Variants in MYO1H observed in about 807,000 individuals in gnomAD.
The protein encoded by MYO1H is myosin IH.
Under a neutral mutation model 149.3 loss-of-function variants are expected in MYO1H, and 118 were observed. That is an observed-to-expected ratio of 0.79 (90% CI 0.68 to 0.92). The LOEUF (loss-of-function observed/expected upper bound fraction) is 0.92, where lower values mean the gene tolerates loss of function less well. Among genes scored for constraint, MYO1H ranks in the 40% least tolerant of loss-of-function variants. The pLI, the probability that MYO1H is intolerant of heterozygous loss-of-function variation, is 0.00. For synonymous variants in MYO1H, 447 were observed against 465.2 expected, an observed-to-expected ratio of 0.96 and a Z score of 0.50; for missense variants, 1,212 against 1,280.7, an observed-to-expected ratio of 0.95 and a Z score of 0.82.
At chr12:109,444,616 C>T in intron 30 of MYO1H, 87 bp downstream of exon 30, 1 of 1,055,150 alleles carries the variant, frequency 9.5e-7, no homozygotes, top group Non-Finnish European at 1.4e-6. Flanking sequence ...CCTATAATCC[C>T]AGCACTTTGG....
chr12:109,361,388 T>A (rs989371888), intron 1 of MYO1H, among the ~76,000 whole-genome samples: 1 of 152,128 alleles, frequency 6.6e-6, no homozygotes, highest in Non-Finnish European at 1.5e-5. Context: ...CGTTTTTGAG[T>A]CATTTGCTGA....
At chr12:109,426,312 C>T (rs1487793425) in intron 18 of MYO1H, among the ~76,000 whole-genome samples, 2 of 152,088 alleles carry the variant, frequency 1.3e-5, no homozygotes, top group East Asian at 1.9e-4. Context: ...GGCAAAACCC[C>T]GTCTCTACAA....
At chr12:109,337,907 C>T in the MYO1H span, among the ~76,000 whole-genome samples, 4 of 152,046 alleles carry the variant, frequency 2.6e-5, no homozygotes, top group East Asian at 1.9e-4. Context: ...TGTTTGGCAA[C>T]GATTTTCTGA....
intron 1 of MYO1H, among the ~76,000 whole-genome samples, chr12:109,381,100 G>A (rs1005433676): frequency 6.6e-6 from 1 of 152,170 alleles, no homozygotes; most frequent in Non-Finnish European, 1.5e-5. Context: ...CACTCCTAGG[G>A]TATGAACGTG....
chr12:109,389,208 C>T (rs545206951), intron 2 of MYO1H, among the ~76,000 whole-genome samples: 1 of 152,152 alleles, frequency 6.6e-6, no homozygotes, highest in Non-Finnish European at 1.5e-5. Flanking sequence ...GCCCTCAGAT[C>T]CAGGCTGTCA....
chr12:109,382,458 G>A (rs1328284173), intron 1 of MYO1H, among the ~76,000 whole-genome samples: 1 of 152,202 alleles, frequency 6.6e-6, no homozygotes, highest in African/African-American at 2.4e-5. Context: ...AATGCAATGT[G>A]TGGACCTTGT....
chr12:109,432,760 C>T (rs972323684), intron 19 of MYO1H, 137 bp from the exon 20 acceptor site: 10 of 652,410 alleles, frequency 1.5e-5, no homozygotes, highest in Non-Finnish European at 2.5e-5. Flanking sequence ...CGAGAAAGTT[C>T]GTGTAATGGG....
chr12:109,417,798 T>C (rs751541104), intron 15 of MYO1H, among the ~76,000 whole-genome samples: 5 of 148,132 alleles, frequency 3.4e-5, no homozygotes, highest in East Asian at 1.9e-4. Flanking sequence ...TGTTTTAAGA[T>C]TGGGTTTTTT....
intron 1 of MYO1H, among the ~76,000 whole-genome samples, chr12:109,371,834 A>C (rs1868989664): frequency 6.6e-6 from 1 of 152,218 alleles, no homozygotes. Flanking sequence ...TATGTTCTCA[A>C]ACTTAGCTAT....
At chr12:109,421,619 G>A (rs983432404) in intron 16 of MYO1H, among the ~76,000 whole-genome samples, 7 of 152,062 alleles carry the variant, frequency 4.6e-5, no homozygotes, top group African/African-American at 1.7e-4. Context: ...CACAGGGGAA[G>A]TAGAGATTTC....
chr12:109,447,090 T>A, intron 31 of MYO1H, 69 bp from the exon 32 acceptor site: 1 of 1,454,836 alleles, frequency 6.9e-7, no homozygotes, highest in Non-Finnish European at 9.5e-7. Flanking sequence ...ACAGTTGAGG[T>A]GATAACTGTT....
intron 19 of MYO1H, among the ~76,000 whole-genome samples, chr12:109,430,284 C>A (rs770058111): frequency 7.2e-5 from 11 of 152,162 alleles, no homozygotes; most frequent in Non-Finnish European, 1.2e-4. Context: ...TAGCCAAACC[C>A]CGTGCACCTG....
intron 2 of MYO1H, among the ~76,000 whole-genome samples, chr12:109,391,326 G>A (rs569418375): frequency 4.6e-5 from 7 of 152,214 alleles, no homozygotes; most frequent in African/African-American, 1.2e-4. Context: ...GCAAGAACAC[G>A]CAGTGTTTGG....
At chr12:109,355,864 C>T (rs573321963) in intron 1 of MYO1H, among the ~76,000 whole-genome samples, 5 of 140,400 alleles carry the variant, frequency 3.6e-5, no homozygotes, top group East Asian at 4.0e-4. Context: ...TGTGCTGCCA[C>T]GCCCAGCAAA....
At chr12:109,429,069 T>A (rs1239848803) in intron 19 of MYO1H, among the ~76,000 whole-genome samples, 1 of 152,182 alleles carries the variant, frequency 6.6e-6, no homozygotes, top group East Asian at 1.9e-4. Context: ...CAGCCAGGCA[T>A]AGTGGCGCAT....
intron 20 of MYO1H, among the ~76,000 whole-genome samples, chr12:109,434,061 C>G (rs1368460825): frequency 6.6e-6 from 1 of 152,084 alleles, no homozygotes; most frequent in African/African-American, 2.4e-5. Context: ...GTCACCCAGG[C>G]TGCAGTGGCA....
chr12:109,374,421 A>G (rs1049803020), intron 1 of MYO1H, among the ~76,000 whole-genome samples: 1 of 152,232 alleles, frequency 6.6e-6, no homozygotes, highest in African/African-American at 2.4e-5. Flanking sequence ...GAATTCATAT[A>G]TAAGAAGCAC....
Position 109,435,107 on chromosome 12 carries a change from C to G in MYO1H, c.2134C>G (p.Gln712Glu), listed in dbSNP as rs1871803495. ...AGATGCCTTTGAATTTAGTAAACAT[C>G]AACTAGGTATGATTTCTTTTTCTGT... The change falls in exon 21 of 32, where the codon CAA becomes GAA. Residue 712 changes from glutamine (Q) to glutamate (E), a missense_variant. By Grantham distance (29) the Gln-to-Glu change is conservative. Transcript: ENST00000310903. 5.0e-6 allele frequency: 8 copies of G among 1,591,402 alleles called. No individual in the cohort carries two copies. In the South Asian group the frequency reaches 7.9e-5, roughly 16 times the overall value.
At chr12:109,324,013 G>GAA in the MYO1H span, among the ~76,000 whole-genome samples, 2 of 141,794 alleles carry the variant, frequency 1.4e-5, no homozygotes, top group Non-Finnish European at 1.5e-5. Flanking sequence ...CCTGACTCAA[G>GAA]AAAAAAAAAA....
Sources: gnomAD v4.1 joint callset for allele counts (sites outside exome capture counted in the v4.1 genomes callset) on GRCh38, gnomAD v4.1.1 for gene constraint, MANE v1.5 for transcripts, NCBI Gene and HGNC (gene_info 2026-07-23, HGNC 2026-07-21) for gene names.